The following JARID2 variants were observed in gnomAD, a reference collection of about 807,000 sequenced individuals.
The protein encoded by JARID2 is protein Jumonji.
A neutral mutation model predicts 125.6 loss-of-function variants in JARID2; 21 were observed. That is an observed-to-expected ratio of 0.17 (90% CI 0.12 to 0.24). The LOEUF (loss-of-function observed/expected upper bound fraction) is 0.24. Ranked by LOEUF, JARID2 falls within the 10% of genes least tolerant of loss-of-function variation. JARID2 has a pLI of 1.00. For synonymous variants in JARID2, 736 were observed against 661.6 expected (o/e 1.11, Z -1.73); for missense variants, 1,303 against 1,639.6 (o/e 0.79, Z 3.55).
intron 1 of JARID2, among the ~76,000 whole-genome samples, chr6:15,267,034 C>T (rs555400704): frequency 7.0e-4 from 107 of 152,300 alleles, no homozygotes; most frequent in Middle Eastern, 6.8e-3. Flanking sequence ...GCATTCTCTT[C>T]CACCTGTATA....
rs151239291 is a variant in JARID2, at chr6:15,429,452, G to A, written c.323+19087G>A. Among the ~76,000 whole-genome samples, 343 of 152,124 alleles carry A rather than the reference G, an allele frequency of 2.3e-3. 1 individual carries two copies. Among genetic ancestry groups the A allele is most frequent in the African/African-American group, 7.6e-3 (314 of 41,488 alleles). On this transcript the variant is annotated intron_variant, in intron 3 of 17. Transcript: ENST00000341776. ...GGCATACATTTTCATATTTTGTAGAGGTTGGGTCTCAGTGTGTTGCCTGGG... is the reference window on the plus strand; with the variant it reads ...GGCATACATTTTCATATTTTGTAGAAGTTGGGTCTCAGTGTGTTGCCTGGG...
chr6:15,489,078 C>T (rs555075909), intron 6 of JARID2, among the ~76,000 whole-genome samples: 5 of 152,264 alleles, frequency 3.3e-5, no homozygotes, highest in African/African-American at 1.2e-4. Flanking sequence ...GGTTTTTGCT[C>T]ATGAAAGAGA....
intron 2 of JARID2, among the ~76,000 whole-genome samples, chr6:15,384,884 G>T (rs1423361677): frequency 1.3e-5 from 2 of 152,172 alleles, no homozygotes; most frequent in African/African-American, 4.8e-5. Context: ...TAGTGAACCT[G>T]TTTGAAACTC....
chr6:15,431,503 G>T (rs1561858634), intron 3 of JARID2, among the ~76,000 whole-genome samples: 1 of 152,126 alleles, frequency 6.6e-6, no homozygotes, highest in African/African-American at 2.4e-5. Flanking sequence ...AGACAGTGAC[G>T]GCTTGTGCCT....
rs1454692934 is a variant in JARID2, at chr6:15,513,061, A to G, written c.3266+16A>G. 1 of 1,613,956 alleles carries G rather than the reference A, an allele frequency of 6.2e-7. No individual in the cohort carries two copies. The highest frequency in any genetic ancestry group is 8.5e-7 in the Non-Finnish European group (1 of 1,179,984). ...ATGAGCTCAGGTAACAGACCCCCAG[A>G]GCCCACGCCAGAGAGCTGGACCCGG... On this transcript the variant is annotated intron_variant, in intron 15 of 17. Coordinates refer to ENST00000341776, the MANE Select transcript of JARID2 (RefSeq NM_004973.4).
chr6:15,448,773 C>G (rs1767785093), intron 3 of JARID2, among the ~76,000 whole-genome samples: 1 of 152,064 alleles, frequency 6.6e-6, no homozygotes, highest in Admixed American at 6.6e-5. Flanking sequence ...CTGTAGCCTT[C>G]CCTCCTCTGA....
At chr6:15,276,281 G>A (rs1760497811) in intron 1 of JARID2, among the ~76,000 whole-genome samples, 2 of 152,162 alleles carry the variant, frequency 1.3e-5, no homozygotes, top group Admixed American at 6.5e-5. Context: ...CCAGGTTAAT[G>A]CAAATCCATC....
chr6:15,272,075 G>C (rs1429554080), intron 1 of JARID2, among the ~76,000 whole-genome samples: 2 of 151,804 alleles, frequency 1.3e-5, no homozygotes, highest in Admixed American at 1.3e-4. Context: ...CAGCGAGCCA[G>C]GATCGTGCCA....
intron 2 of JARID2, among the ~76,000 whole-genome samples, chr6:15,402,577 T>G (rs1352099007): frequency 1.3e-5 from 2 of 151,710 alleles, no homozygotes; most frequent in Non-Finnish European, 2.9e-5. Flanking sequence ...AAAAATGCCC[T>G]TGTGTTTCCG....
At chr6:15,478,685 T>C (rs1207081488) in intron 5 of JARID2, among the ~76,000 whole-genome samples, 1 of 152,138 alleles carries the variant, frequency 6.6e-6, no homozygotes, top group East Asian at 1.9e-4. Context: ...TTGTTTTGTT[T>C]TGAGATGGAG....
chr6:15,247,764 C>T, intron 1 of JARID2: 3 of 985,364 alleles, frequency 3.0e-6, no homozygotes, highest in Non-Finnish European at 3.6e-6. Flanking sequence ...GACACGTCAA[C>T]TTCAACTATG....
At chr6:15,440,009 CAGAT>C (rs1198083177) in intron 3 of JARID2, among the ~76,000 whole-genome samples, 1 of 152,222 alleles carries the variant, frequency 6.6e-6, no homozygotes, top group Non-Finnish European at 1.5e-5. Flanking sequence ...GCCTGAAACA[CAGAT>C]AACATACTTG....
At chr6:15,415,822 T>G (rs1248992622) in intron 3 of JARID2, among the ~76,000 whole-genome samples, 1 of 92,230 alleles carries the variant, frequency 1.1e-5, no homozygotes, top group Non-Finnish European at 2.3e-5. Context: ...GGCGGGGGGC[T>G]GACCCCCCCA....
chr6:15,497,399 C>G (rs1382489918), intron 7 of JARID2, among the ~76,000 whole-genome samples: 1 of 152,120 alleles, frequency 6.6e-6, no homozygotes, highest in Non-Finnish European at 1.5e-5. Flanking sequence ...CGGTGGCTCA[C>G]GCTTGTAATC....
chr6:15,311,399 G>T (rs906923550), intron 1 of JARID2, among the ~76,000 whole-genome samples: 14 of 152,218 alleles, frequency 9.2e-5, no homozygotes, highest in Non-Finnish European at 1.5e-4. Context: ...CCAACATGGA[G>T]AAACCCCATC....
At chr6:15,387,438 C>T (rs1252104093) in intron 2 of JARID2, among the ~76,000 whole-genome samples, 1 of 152,128 alleles carries the variant, frequency 6.6e-6, no homozygotes, top group African/African-American at 2.4e-5. Flanking sequence ...TGTTGAGTGC[C>T]CTCTTCTTGG....
At chr6:15,305,315 C>A (rs530377350) in intron 1 of JARID2, among the ~76,000 whole-genome samples, 1 of 152,064 alleles carries the variant, frequency 6.6e-6, no homozygotes, top group South Asian at 2.1e-4. Context: ...AGAGCAACTC[C>A]GCTGTGGGCC....
intron 4 of JARID2, among the ~76,000 whole-genome samples, chr6:15,453,965 C>T (rs1206930757): frequency 6.6e-6 from 1 of 152,196 alleles, no homozygotes; most frequent in African/African-American, 2.4e-5. Flanking sequence ...TCATTTCTCC[C>T]AGGTGCTCTT....
intron 1 of JARID2, among the ~76,000 whole-genome samples, chr6:15,323,781 G>T (rs1477176298): frequency 2.0e-5 from 3 of 152,052 alleles, no homozygotes; most frequent in Non-Finnish European, 4.4e-5. Context: ...TGTAATCCCA[G>T]CTACTCTGGA....
Sources: allele counts gnomAD v4.1 joint callset (sites outside exome capture counted in the v4.1 genomes callset), GRCh38; gene constraint gnomAD v4.1.1; transcripts MANE v1.5; gene names NCBI Gene and HGNC (gene_info 2026-07-23, HGNC 2026-07-21).